The following LARGE1 variants were observed in gnomAD, a reference collection of about 807,000 sequenced individuals.
The protein encoded by LARGE1 is LARGE xylosyl- and glucuronyltransferase 1, also known as xylosyl- and glucuronyltransferase LARGE1.
Under a neutral mutation model 87.6 loss-of-function variants are expected in LARGE1, and 43 were observed. The ratio of observed to expected loss-of-function variants is 0.49; its 90% CI spans 0.38 to 0.63. The LOEUF (loss-of-function observed/expected upper bound fraction) is 0.63, where lower values mean the gene tolerates loss of function less well. Ranked by LOEUF, LARGE1 falls within the 30% of genes least tolerant of loss-of-function variation. LARGE1 has a pLI of 0.00. For missense variants in LARGE1, 802 were observed against 1,000.2 expected (o/e 0.80, Z 2.67); for synonymous variants, 434 against 394.6 (o/e 1.10, Z -1.18).
In LARGE1 at chr22:33,635,496, T is replaced by C. The variant is rs12160749; in HGVS notation, c.409-9170A>G. On this transcript the variant is annotated intron_variant, in intron 3 of 14. Coordinates refer to ENST00000397394, the MANE Select transcript of LARGE1 (RefSeq NM_133642.5). ...GACACAGTTGTGCCAGCTAAGTGAT[T>C]TGGGGCAAATTATCTAACCTCTTGG... is the stretch of plus-strand genomic sequence containing the variant. 3.9e-3 allele frequency among the ~76,000 whole-genome samples: 594 copies of C among 152,234 alleles called. 3 individuals are homozygous for C. Among genetic ancestry groups the C allele is most frequent in the African/African-American group, 0.014 (577 of 41,526 alleles).
Position 33,384,220 on chromosome 22 carries a change from C to A in LARGE1, c.977G>T (p.Gly326Val). ...GTCAGCTAAGGATGTAGAGAGCATGCCCATGAGCTCCCTCTCTGCGGTCAG... is the reference window on the plus strand; with the variant it reads ...GTCAGCTAAGGATGTAGAGAGCATGACCATGAGCTCCCTCTCTGCGGTCAG... ...WRLTAERELMGMLSTSLADQD... is the reference protein window; with the variant it reads ...WRLTAERELMVMLSTSLADQD... Residue 326 changes from glycine to valine, a missense_variant, in exon 8 of 15, where the codon GGC (glycine) becomes GTC (valine). This residue lies in a region of LARGE1 where 625 missense variants were observed against 841.9 expected (regional missense o/e 0.74). Coordinates refer to ENST00000397394, the MANE Select transcript of LARGE1 (RefSeq NM_133642.5). The A allele has an allele frequency of 1.9e-6, 3 of 1,614,116 alleles. No individual in the cohort carries two copies. The highest frequency in any genetic ancestry group is 2.5e-6 in the Non-Finnish European group (3 of 1,179,968).
the LARGE1 span, among the ~76,000 whole-genome samples, chr22:33,081,836 G>T: frequency 6.6e-6 from 1 of 152,118 alleles, no homozygotes; most frequent in South Asian, 2.1e-4. Context: ...TCTCTGTGCT[G>T]GGAATTCTGC....
rs5999139 is a variant in LARGE1, at chr22:33,907,412, C to G, written c.-83+12583G>C. On this transcript the variant is annotated intron_variant, in intron 1 of 14. Transcript: ENST00000397394. ...CTCCCTAGCCAGTCCCCATCACCGT[C>G]TGATAATTTCTCCATCAATTATGAC... is the stretch of plus-strand genomic sequence containing the variant. 8.8e-3 allele frequency among the ~76,000 whole-genome samples: 1,344 copies of G among 152,314 alleles called. 35 individuals are homozygous for G. The highest frequency in any genetic ancestry group is 0.031 in the African/African-American group (1,281 of 41,568).
intron 1 of LARGE1, among the ~76,000 whole-genome samples, chr22:33,809,367 A>ATATGTTC (rs1430991182): frequency 2.6e-5 from 4 of 152,186 alleles, no homozygotes; most frequent in Non-Finnish European, 5.9e-5. Flanking sequence ...ATACACAACT[A>ATATGTTC]TATGTTCCAT....
At chr22:33,760,969 ACACCACCACCACCAC>A (rs548599952) in intron 2 of LARGE1, among the ~76,000 whole-genome samples, 2 of 151,506 alleles carry the variant, frequency 1.3e-5, no homozygotes, top group Non-Finnish European at 2.9e-5. Context: ...CAAACAAAAA[ACACCACCACCACCAC>A]CACCACCACC....
chr22:33,788,005 C>A (rs2085706241), intron 1 of LARGE1, among the ~76,000 whole-genome samples: 1 of 152,196 alleles, frequency 6.6e-6, no homozygotes, highest in Non-Finnish European at 1.5e-5. Context: ...AAACCCTGCC[C>A]AGTAAAGTCC....
chr22:33,233,226 G>A (rs1399515343), intron 11 of LARGE1, among the ~76,000 whole-genome samples: 1 of 152,052 alleles, frequency 6.6e-6, no homozygotes, highest in Non-Finnish European at 1.5e-5. Flanking sequence ...TAACTTCCGG[G>A]TATAGGAAGT....
chr22:33,651,406 A>AAAAAG (rs1569343355), intron 2 of LARGE1, among the ~76,000 whole-genome samples: 1 of 149,672 alleles, frequency 6.7e-6, no homozygotes, highest in African/African-American at 2.5e-5. Flanking sequence ...AAAAAAAAAA[A>AAAAAG]AAAAGAAAAA....
chr22:33,778,795 C>T (rs1188637225), intron 1 of LARGE1, among the ~76,000 whole-genome samples: 1 of 152,126 alleles, frequency 6.6e-6, no homozygotes, highest in African/African-American at 2.4e-5. Context: ...GGATTACAGG[C>T]GCCTGCCACC....
At chr22:33,424,242 C>A (rs1003458722) in intron 7 of LARGE1, among the ~76,000 whole-genome samples, 15 of 152,306 alleles carry the variant, frequency 9.8e-5, no homozygotes, top group Admixed American at 2.0e-4. Context: ...CGGAAGTTTA[C>A]AGGTGGAGGT....
At chr22:33,879,093 C>A (rs2064580150) in intron 1 of LARGE1, among the ~76,000 whole-genome samples, 1 of 152,044 alleles carries the variant, frequency 6.6e-6, no homozygotes, top group Non-Finnish European at 1.5e-5. Context: ...CTGCCTCAGC[C>A]TCCCGAGTAG....
At chr22:33,367,654 T>G (rs2064645031) in intron 9 of LARGE1, among the ~76,000 whole-genome samples, 1 of 152,136 alleles carries the variant, frequency 6.6e-6, no homozygotes. Flanking sequence ...CTTAAACTCC[T>G]GAACTCAAGG....
At chr22:33,111,259 C>T in the LARGE1 span, among the ~76,000 whole-genome samples, 2 of 152,094 alleles carry the variant, frequency 1.3e-5, no homozygotes, top group Non-Finnish European at 2.9e-5. Flanking sequence ...TTCTCAGGAT[C>T]GCCGCTTCCT....
At chr22:33,566,934 T>A (rs1234567211) in intron 5 of LARGE1, among the ~76,000 whole-genome samples, 2 of 152,248 alleles carry the variant, frequency 1.3e-5, no homozygotes, top group East Asian at 1.9e-4. Context: ...TCACCTCTCA[T>A]CAATTTCAAA....
chr22:33,719,560 A>C (rs1449386867), intron 2 of LARGE1, among the ~76,000 whole-genome samples: 1 of 151,450 alleles, frequency 6.6e-6, no homozygotes, highest in Admixed American at 6.6e-5. Flanking sequence ...TCACTCTGTC[A>C]CCCAGGCTGG....
chr22:33,750,658 A>G (rs1373226504), intron 2 of LARGE1: 2 of 152,092 alleles, frequency 1.3e-5, no homozygotes, highest in African/African-American at 4.8e-5. Context: ...GGAGAATATT[A>G]TCTAATGTGG....
At chr22:33,454,401 C>T (rs1048315681) in intron 6 of LARGE1, among the ~76,000 whole-genome samples, 2 of 151,908 alleles carry the variant, frequency 1.3e-5, no homozygotes, top group East Asian at 1.9e-4. Context: ...GGGTGGATCA[C>T]GAGGTCAGGA....
chr22:33,190,080 G>A (rs1019821136), intron 11 of LARGE1, among the ~76,000 whole-genome samples: 8 of 152,218 alleles, frequency 5.3e-5, no homozygotes, highest in South Asian at 2.1e-4. Context: ...AGTAAGCAAT[G>A]AGAATAGATG....
intron 2 of LARGE1, among the ~76,000 whole-genome samples, chr22:33,749,896 A>G (rs1375924827): frequency 6.6e-6 from 1 of 151,980 alleles, no homozygotes; most frequent in Non-Finnish European, 1.5e-5. Context: ...TTCTTCAGTG[A>G]CTGCAGAATA....
Sources: allele counts gnomAD v4.1 joint callset (sites outside exome capture counted in the v4.1 genomes callset), GRCh38; gene constraint gnomAD v4.1.1; regional missense constraint gnomAD v4.1.1; transcripts MANE v1.5; gene names NCBI Gene and HGNC (gene_info 2026-07-23, HGNC 2026-07-21).